FMOD: variants seen among roughly 807,000 people sequenced by gnomAD.
The protein encoded by FMOD is fibromodulin.
In FMOD, 15 loss-of-function variants were observed where a neutral mutation model predicts 27.0. That is an observed-to-expected ratio of 0.55 (90% CI 0.37 to 0.85). The LOEUF (loss-of-function observed/expected upper bound fraction) is 0.85. FMOD is among the 40% of genes least tolerant of loss of function. The pLI is 0.00. For missense variants in FMOD, 460 were observed against 483.2 expected, an observed-to-expected ratio of 0.95 and a Z score of 0.45; for synonymous variants, 210 against 214.0, an observed-to-expected ratio of 0.98 and a Z score of 0.16.
chr1:203,343,109 G>A (rs927789171), intron 2 of FMOD, among the ~76,000 whole-genome samples: 21 of 152,080 alleles, frequency 1.4e-4, no homozygotes, highest in African/African-American at 4.8e-4. Flanking sequence ...AGGAAGCTGG[G>A]GACTCATAGA....
At position 203,341,958 on chromosome 1, in the gene FMOD, T is replaced by G. The variant is rs1571515436; in HGVS notation, c.*385A>C. 1 of 171,380 alleles carries G rather than the reference T, an allele frequency of 5.8e-6. No individual in the cohort carries two copies. Among genetic ancestry groups the G allele is most frequent in the African/African-American group, 2.4e-5 (1 of 42,144 alleles). The allele number at this position is 171,380 out of a possible 1,614,324, so 10.6% of individuals were successfully genotyped here. On this transcript the variant is annotated 3_prime_UTR_variant, in exon 3 of 3. Transcript: ENST00000354955. ...CCAGCCCAGCACAGAGGGAGAGCTG[T>G]CAAGTGCTGCTCACAGACAGCCAGG...
intron 2 of FMOD, among the ~76,000 whole-genome samples, chr1:203,344,042 T>C (rs1189389993): frequency 6.6e-6 from 1 of 152,150 alleles, no homozygotes; most frequent in Non-Finnish European, 1.5e-5. Flanking sequence ...TGGGGTAGAA[T>C]TTCTGGAATA....
chr1:203,342,007 A>C lies in FMOD; in HGVS notation c.*336T>G, dbSNP rs1658801452. ...GGGATTGTTAGAAAAGTATGGTTAT[A>C]TACTATTGCCCATGCCACTTTTGAA... On this transcript the variant is annotated 3_prime_UTR_variant, in exon 3 of 3. Coordinates refer to ENST00000354955, the MANE Select transcript of FMOD (RefSeq NM_002023.5). The C allele has an allele frequency of 3.8e-6, 1 of 262,134 alleles. No homozygotes were observed. The highest frequency in any genetic ancestry group is 7.3e-6 in the Non-Finnish European group (1 of 136,372). The allele number at this position is 262,134 out of a possible 1,614,324, so 16.2% of individuals were successfully genotyped here.
At chr1:203,345,069 T>C (rs1035611962) in intron 2 of FMOD, among the ~76,000 whole-genome samples, 1 of 152,216 alleles carries the variant, frequency 6.6e-6, no homozygotes, top group African/African-American at 2.4e-5. Flanking sequence ...GCACTTTACA[T>C]ATATTAATTC....
chr1:203,345,454 G>A (rs1212025455), intron 2 of FMOD, among the ~76,000 whole-genome samples: 3 of 152,158 alleles, frequency 2.0e-5, no homozygotes, highest in Non-Finnish European at 4.4e-5. Context: ...ACAGTTTCAG[G>A]GTCAAACTTG....
chr1:203,342,707 C>A (rs1223379872), intron 2 of FMOD, among the ~76,000 whole-genome samples: 2 of 152,148 alleles, frequency 1.3e-5, no homozygotes, highest in Admixed American at 1.3e-4. Flanking sequence ...CTGCAGCTCA[C>A]CTCCTAACCA....
In FMOD at chr1:203,347,872, C is replaced by G. The variant is rs369386758; in HGVS notation, c.399G>C (p.Trp133Cys). The change falls in exon 2 of 3, where the codon TGG becomes TGC. Residue 133 changes from tryptophan (W) to cysteine (C), a missense_variant. Trp to Cys is a radical substitution (Grantham distance 215). Transcript: ENST00000354955. ...TGATCTGGTTGCCGTGGAGAGCAAT[C>G]CAGAGCAGCCCTGTGGCATTGTCAA... is the stretch of plus-strand genomic sequence containing the variant. Reference protein sequence around the residue: ...GVFDNATGLLWIALHGNQITS... With the variant: ...GVFDNATGLLCIALHGNQITS... The G allele has an allele frequency of 8.1e-6, 13 of 1,614,046 alleles. No individual in the cohort carries two copies. Among genetic ancestry groups the G allele is most frequent in the Non-Finnish European group, 1.1e-5 (13 of 1,180,036 alleles).
rs1008410788 is a variant in FMOD at position 203,347,349 on chromosome 1, T to C, written c.922A>G (p.Ile308Val). The change falls in exon 2 of 3, where the codon ATC becomes GTC. Residue 308 changes from isoleucine (I) to valine (V), a missense_variant. Transcript: ENST00000354955. ...TCCAGGTTGGTGTTGACTGGGGGGATCTTCTGCAGCTGGTTGTAGGAGAGG... is the reference window on the plus strand; with the variant it reads ...TCCAGGTTGGTGTTGACTGGGGGGACCTTCTGCAGCTGGTTGTAGGAGAGG... ...LDLSYNQLQK[I>V]PPVNTNLENL... 2.5e-6 allele frequency: 4 copies of C among 1,614,028 alleles called. No homozygotes were observed. Among genetic ancestry groups the C allele is most frequent in the Non-Finnish European group, 3.4e-6 (4 of 1,180,016 alleles).
chr1:203,343,744 G>T (rs1292921921), intron 2 of FMOD, among the ~76,000 whole-genome samples: 1 of 152,210 alleles, frequency 6.6e-6, no homozygotes, highest in Non-Finnish European at 1.5e-5. Context: ...CTATTCTTAG[G>T]TGTGACCATG....
At chr1:203,350,958 A>G (rs1028900186) in intron 1 of FMOD, 75 bp downstream of exon 1, 1 of 152,184 alleles carries the variant, frequency 6.6e-6, no homozygotes, top group Admixed American at 6.5e-5. Context: ...CATCTCCCCT[A>G]TCCCCTACCA....
At chr1:203,346,234 G>A (rs1000142454) in intron 2 of FMOD, among the ~76,000 whole-genome samples, 2 of 152,014 alleles carry the variant, frequency 1.3e-5, no homozygotes, top group African/African-American at 4.8e-5. Flanking sequence ...TTGATGGTGC[G>A]GTTCTATCTC....
In FMOD at chr1:203,350,207, A is replaced by G. The variant is rs531801284; in HGVS notation, c.-8+826T>C. Among the ~76,000 whole-genome samples the G allele has an allele frequency of 3.9e-4, 60 of 152,294 alleles. 1 individual carries two copies. In the South Asian group the frequency reaches 5.4e-3, roughly 14 times the overall value. On this transcript the variant is annotated intron_variant, in intron 1 of 2. Transcript: ENST00000354955. The stretch of plus-strand genomic sequence containing the variant: ...CCCACTTCAGCCTCTTCTTAGAGCC[A>G]TGGGTGCTGAAAGGGTTTGATGGGG...
Position 203,340,644 on chromosome 1 carries a change from C to T in FMOD, c.*1699G>A, listed in dbSNP as rs1311959529. ...TCTTGTAGATGCAATCATAAAATAA[C>T]TTTATTGGTCAGGTTAGCCACCACT... On this transcript the variant is annotated 3_prime_UTR_variant, in exon 3 of 3. Coordinates refer to ENST00000354955, the MANE Select transcript of FMOD (RefSeq NM_002023.5). 3 of 152,174 alleles carry T rather than the reference C, an allele frequency of 2.0e-5. No homozygotes were observed. The highest frequency in any genetic ancestry group is 4.1e-4 in the South Asian group (2 of 4,828). The allele number at this position is 152,174 out of a possible 1,614,324, so 9.4% of individuals were successfully genotyped here. A position where few individuals can be genotyped will look rare whatever the true frequency, so the allele number is the denominator to read the frequency against.
chr1:203,344,517 G>A (rs967188645), intron 2 of FMOD, among the ~76,000 whole-genome samples: 11 of 152,128 alleles, frequency 7.2e-5, no homozygotes. Flanking sequence ...TGGTGTACCC[G>A]CCCTGCTCCA....
chr1:203,347,704 T>G lies in FMOD; in HGVS notation c.567A>C (p.Ser189=). 1 of 1,614,018 alleles carries G rather than the reference T, an allele frequency of 6.2e-7. No homozygotes were observed. The highest frequency in any genetic ancestry group is 8.5e-7 in the Non-Finnish European group (1 of 1,179,998). Residue 189 remains serine, a synonymous_variant, in exon 2 of 3, where the codon TCA becomes TCC. Transcript: ENST00000354955. ...RELHLDHNQI[S]RVPNNALEGL... is the part of the protein sequence containing the mutation. ...CCTCCAGAGCATTGTTGGGGACCCG[T>G]GAGATCTGGTTGTGGTCGAGATGGA...
intron 2 of FMOD, among the ~76,000 whole-genome samples, chr1:203,344,318 G>A (rs1658848651): frequency 6.6e-6 from 1 of 152,164 alleles, no homozygotes; most frequent in South Asian, 2.1e-4. Flanking sequence ...CTGTGGATAG[G>A]TAAATGTGGG....
intron 1 of FMOD, among the ~76,000 whole-genome samples, chr1:203,349,395 C>G (rs1336689147): frequency 1.3e-5 from 2 of 152,328 alleles, no homozygotes; most frequent in East Asian, 1.9e-4. Context: ...GCTTTTGAAC[C>G]TGTTGTGCTA....
In FMOD at chr1:203,341,453, C is replaced by T. The variant is rs1188831150; in HGVS notation, c.*890G>A. The T allele has an allele frequency of 6.6e-6, 1 of 152,212 alleles. No individual in the cohort carries two copies. The highest frequency in any genetic ancestry group is 1.9e-4 in the East Asian group (1 of 5,196). The allele number at this position is 152,212 out of a possible 1,614,324, so 9.4% of individuals were successfully genotyped here. On this transcript the variant is annotated 3_prime_UTR_variant, in exon 3 of 3. Transcript: ENST00000354955. Reference sequence around the variant, plus strand: ...AAAGTGCTGGGCAAGAATGGAACTACTGGGGCTGCTTTCTCAACTCAGCCA... The same window carrying T: ...AAAGTGCTGGGCAAGAATGGAACTATTGGGGCTGCTTTCTCAACTCAGCCA...
Position 203,347,701 on chromosome 1 carries a change from C to G in FMOD, c.570G>C (p.Arg190=). ...ELHLDHNQIS[R]VPNNALEGLE... ...GCCCCTCCAGAGCATTGTTGGGGACCCGTGAGATCTGGTTGTGGTCGAGAT... is the reference window on the plus strand; with the variant it reads ...GCCCCTCCAGAGCATTGTTGGGGACGCGTGAGATCTGGTTGTGGTCGAGAT... The change falls in exon 2 of 3, where the codon CGG becomes CGC. Residue 190 remains arginine (R), a synonymous_variant. Coordinates refer to ENST00000354955, the MANE Select transcript of FMOD (RefSeq NM_002023.5). The G allele has an allele frequency of 6.2e-7, 1 of 1,614,058 alleles. No homozygotes were observed. Among genetic ancestry groups the G allele is most frequent in the South Asian group, 1.1e-5 (1 of 91,072 alleles).
Sources: allele counts gnomAD v4.1 joint callset (sites outside exome capture counted in the v4.1 genomes callset), GRCh38; gene constraint gnomAD v4.1.1; transcripts MANE v1.5; gene names NCBI Gene and HGNC (gene_info 2026-07-23, HGNC 2026-07-21).